GRIA1: variants seen among roughly 807,000 people sequenced by gnomAD.
GRIA1 encodes glutamate receptor 1.
GRIA1 carries 31 observed loss-of-function variants against 99.2 expected under a neutral mutation model. That is an observed-to-expected ratio of 0.31 (90% confidence interval 0.23 to 0.42). The LOEUF (loss-of-function observed/expected upper bound fraction) is 0.42. Among genes scored for constraint, GRIA1 ranks in the 10% least tolerant of loss-of-function variants. GRIA1 has a pLI of 1.00. For synonymous variants in GRIA1, 438 were observed against 432.4 expected, an observed-to-expected ratio of 1.01 and a Z score of -0.16; for missense variants, 782 against 1,157.5, an observed-to-expected ratio of 0.68 and a Z score of 4.71.
intron 2 of GRIA1, among the ~76,000 whole-genome samples, chr5:153,565,344 G>T (rs17114798): frequency 0.097 from 14,702 of 152,096 alleles, 785 homozygotes; most frequent in South Asian, 0.19. Context: ...ACTAAACAAA[G>T]AAAAGTGCTT....
intron 2 of GRIA1, among the ~76,000 whole-genome samples, chr5:153,518,779 C>T (rs923379777): frequency 1.3e-5 from 2 of 152,064 alleles, no homozygotes; most frequent in African/African-American, 4.8e-5. Context: ...ATGCATTTGG[C>T]AGATGCAGAA....
At chr5:153,768,499 G>A (rs1029410765) in intron 12 of GRIA1, among the ~76,000 whole-genome samples, 2 of 152,144 alleles carry the variant, frequency 1.3e-5, no homozygotes, top group South Asian at 2.1e-4. Flanking sequence ...AAACCGGACT[G>A]TAAAACGAGT....
chr5:153,732,925 C>CTTTTTTTTTTTTTTTTTTTTT (rs1288005494), intron 11 of GRIA1, among the ~76,000 whole-genome samples: 1 of 127,326 alleles, frequency 7.9e-6, no homozygotes, highest in Non-Finnish European at 1.7e-5. Flanking sequence ...AGTTAAATTT[C>CTTTTTTTTTTTTTTTTTTTTT]TTTTTTTTTT....
intron 5 of GRIA1, among the ~76,000 whole-genome samples, chr5:153,657,720 C>T (rs904085878): frequency 2.6e-5 from 4 of 152,146 alleles, no homozygotes. Flanking sequence ...CTCTTCTTTC[C>T]CCTTCTTCAA....
At chr5:153,718,360 G>GGATTAAGC (rs148785583) in intron 11 of GRIA1, among the ~76,000 whole-genome samples, 1 of 152,230 alleles carries the variant, frequency 6.6e-6, no homozygotes, top group East Asian at 1.9e-4. Flanking sequence ...TGGTCCCAAG[G>GGATTAAGC]GATTAAGCAA....
intron 2 of GRIA1, among the ~76,000 whole-genome samples, chr5:153,575,331 G>T (rs949673632): frequency 6.6e-6 from 1 of 151,966 alleles, no homozygotes; most frequent in Admixed American, 6.6e-5. Flanking sequence ...CCTGATTTTT[G>T]GTCCTCAACT....
At chr5:153,681,583 G>A (rs1756971651) in intron 7 of GRIA1, among the ~76,000 whole-genome samples, 1 of 152,136 alleles carries the variant, frequency 6.6e-6, no homozygotes, top group Non-Finnish European at 1.5e-5. Flanking sequence ...TAGAAGAGCT[G>A]GGTTCCAACC....
chr5:153,491,267 A>G, intron 1 of GRIA1: 1 of 1,333,738 alleles, frequency 7.5e-7, no homozygotes, highest in Admixed American at 3.3e-5. Flanking sequence ...CAGGCTGGAA[A>G]GGGTGGTGGG....
chr5:153,688,315 C>T (rs1162029695), intron 8 of GRIA1, among the ~76,000 whole-genome samples: 1 of 152,186 alleles, frequency 6.6e-6, no homozygotes, highest in Non-Finnish European at 1.5e-5. Flanking sequence ...TGATTGTACA[C>T]AGACACTCTT....
intron 2 of GRIA1, among the ~76,000 whole-genome samples, chr5:153,624,083 AG>A (rs1386119387): frequency 2.0e-5 from 3 of 152,198 alleles, no homozygotes; most frequent in Non-Finnish European, 4.4e-5. Flanking sequence ...CTTTGCAAAA[AG>A]TCTCTTTCAC....
intron 2 of GRIA1, among the ~76,000 whole-genome samples, chr5:153,495,277 A>G (rs549973408): frequency 2.0e-5 from 3 of 152,328 alleles, no homozygotes; most frequent in Non-Finnish European, 4.4e-5. Flanking sequence ...CATGTAATGC[A>G]CTAATTGCTT....
intron 14 of GRIA1, chr5:153,795,732 G>A: frequency 1.8e-6 from 1 of 548,168 alleles, no homozygotes; most frequent in East Asian, 3.1e-5. Flanking sequence ...GTCCAGGCAG[G>A]GTTAAAAAGT....
At chr5:153,603,983 T>C (rs1765232524) in intron 2 of GRIA1, among the ~76,000 whole-genome samples, 1 of 152,238 alleles carries the variant, frequency 6.6e-6, no homozygotes, top group Admixed American at 6.5e-5. Context: ...CATACCTATA[T>C]ATATTTACAT....
intron 5 of GRIA1, among the ~76,000 whole-genome samples, chr5:153,666,442 A>T (rs1022945648): frequency 2.6e-5 from 4 of 152,314 alleles, no homozygotes; most frequent in African/African-American, 9.6e-5. Context: ...CCCTGATCTC[A>T]TGGAAGCCTG....
chr5:153,702,313 A>G (rs1207341497), intron 10 of GRIA1, among the ~76,000 whole-genome samples: 1 of 152,202 alleles, frequency 6.6e-6, no homozygotes, highest in African/African-American at 2.4e-5. Flanking sequence ...GTCTTGGTAA[A>G]GCAGAAAGAG....
intron 2 of GRIA1, among the ~76,000 whole-genome samples, chr5:153,590,156 T>C (rs921984412): frequency 6.6e-6 from 1 of 152,316 alleles, no homozygotes; most frequent in Admixed American, 6.5e-5. Context: ...ATAGTAAATA[T>C]AATTTGTCAA....
At chr5:153,675,993 A>G (rs1756546178) in intron 6 of GRIA1, among the ~76,000 whole-genome samples, 1 of 151,822 alleles carries the variant, frequency 6.6e-6, no homozygotes, top group African/African-American at 2.4e-5. Context: ...AGTAGCTGGG[A>G]CTACAGGCAC....
chr5:153,631,680 C>T (rs1325237859), intron 2 of GRIA1, among the ~76,000 whole-genome samples: 1 of 152,048 alleles, frequency 6.6e-6, no homozygotes, highest in Non-Finnish European at 1.5e-5. Context: ...AATACATGTG[C>T]TTCACAGTGT....
chr5:153,679,091 A>T (rs529418752), intron 7 of GRIA1, among the ~76,000 whole-genome samples: 6 of 152,050 alleles, frequency 3.9e-5, no homozygotes, highest in Non-Finnish European at 8.8e-5. Flanking sequence ...AAGAACAATG[A>T]CCTCTTTTAT....
Sources: gnomAD v4.1 joint callset for allele counts (sites outside exome capture counted in the v4.1 genomes callset) on GRCh38, gnomAD v4.1.1 for gene constraint, MANE v1.5 for transcripts, NCBI Gene and HGNC (gene_info 2026-07-23, HGNC 2026-07-21) for gene names.